VWA8: variants seen among roughly 807,000 people sequenced by gnomAD.
VWA8 encodes von Willebrand factor A domain containing 8.
In VWA8, 221 loss-of-function variants were observed where a neutral mutation model predicts 241.5. The ratio of observed to expected loss-of-function variants is 0.91; its 90% CI spans 0.82 to 1.02. The LOEUF (loss-of-function observed/expected upper bound fraction) is 1.02. Ranked by LOEUF, VWA8 falls within the 50% of genes least tolerant of loss-of-function variation. The probability of loss-of-function intolerance (pLI) is 0.00; values close to 1 mark genes in which losing one functional copy is unlikely to be tolerated. For missense variants in VWA8, 2,322 were observed against 2,328.7 expected, an observed-to-expected ratio of 1.00 and a Z score of 0.06; for synonymous variants, 852 against 827.1, an observed-to-expected ratio of 1.03 and a Z score of -0.52.
chr13:41,735,369 A>G (rs2045516740), intron 21 of VWA8, among the ~76,000 whole-genome samples: 1 of 152,200 alleles, frequency 6.6e-6, no homozygotes, highest in Non-Finnish European at 1.5e-5. Context: ...TTGCTCTGTA[A>G]CACTCGAATT....
At chr13:41,924,326 T>C (rs1418237413) in intron 2 of VWA8, among the ~76,000 whole-genome samples, 1 of 147,916 alleles carries the variant, frequency 6.8e-6, no homozygotes, top group African/African-American at 2.5e-5. Flanking sequence ...ATATCTGAAC[T>C]TGAAGATAGC....
chr13:41,862,147 C>T (rs1316149281), intron 12 of VWA8, among the ~76,000 whole-genome samples: 1 of 152,102 alleles, frequency 6.6e-6, no homozygotes. Flanking sequence ...AAGCCACATA[C>T]CTACAACCAC....
intron 40 of VWA8, among the ~76,000 whole-genome samples, chr13:41,592,081 G>A (rs1373514064): frequency 6.6e-6 from 1 of 151,282 alleles, no homozygotes; most frequent in Non-Finnish European, 1.5e-5. Context: ...GTCCAGCAAC[G>A]ATAGACTGGA....
intron 2 of VWA8, among the ~76,000 whole-genome samples, chr13:41,943,012 G>A (rs1448944693): frequency 6.6e-6 from 1 of 152,206 alleles, no homozygotes; most frequent in Non-Finnish European, 1.5e-5. Flanking sequence ...CAGCTATACA[G>A]CAAAGAGATT....
intron 28 of VWA8, 67 bp from the exon 29 acceptor site, chr13:41,699,337 G>A (rs1394583303): frequency 1.4e-6 from 2 of 1,467,298 alleles, no homozygotes; most frequent in Non-Finnish European, 1.9e-6. Context: ...AAGAGGTCTA[G>A]TGAAAACTGA....
rs958798901 is a variant in VWA8, at chr13:41,567,191, G to GTGGGAATAAGGTACAT, written c.*990_*1005dup. On this transcript the variant is annotated 3_prime_UTR_variant, in exon 45 of 45. Transcript: ENST00000379310. Reference sequence around the variant, plus strand: ...AAAATAAAGGTCAGCCCAAGAGTGTGTGGGAATAAGGTACATTTTGAAAGA... The same window carrying GTGGGAATAAGGTACAT: ...AAAATAAAGGTCAGCCCAAGAGTGTGTGGGAATAAGGTACATTGGGAATAAGGTACATTTTGAAAGA... 6.6e-6 allele frequency: 1 copy of GTGGGAATAAGGTACAT among 152,150 alleles called. No homozygotes were observed. Among genetic ancestry groups the GTGGGAATAAGGTACAT allele is most frequent in the Non-Finnish European group, 1.5e-5 (1 of 68,024 alleles). 9.4% of individuals were successfully genotyped at this position (152,150 alleles called of 1,614,324 possible).
At chr13:41,769,703 C>T (rs982452375) in intron 20 of VWA8, among the ~76,000 whole-genome samples, 1 of 152,038 alleles carries the variant, frequency 6.6e-6, no homozygotes, top group African/African-American at 2.4e-5. Flanking sequence ...CATTAACTAG[C>T]TATGTAATTT....
At chr13:41,580,308 G>A (rs1041908843) in intron 42 of VWA8, among the ~76,000 whole-genome samples, 2 of 152,130 alleles carry the variant, frequency 1.3e-5, no homozygotes, top group African/African-American at 4.8e-5. Flanking sequence ...AAGTATGTAC[G>A]ACCTCCTTTG....
intron 21 of VWA8, among the ~76,000 whole-genome samples, chr13:41,759,208 A>G (rs561929141): frequency 6.6e-6 from 1 of 151,756 alleles, no homozygotes; most frequent in South Asian, 2.1e-4. Flanking sequence ...TATTTTTGCC[A>G]AATATACTAA....
rs1047821523 is a variant in VWA8, at chr13:41,657,530, C to T, written c.4611+13416G>A. ...CGGAGTCTCACTCTGTCGCCCAGGC[C>T]GGACTGCGGACTGCAGTGGCACAAT... On this transcript the variant is annotated intron_variant, in intron 37 of 44. Coordinates refer to ENST00000379310, the MANE Select transcript of VWA8 (RefSeq NM_015058.2). 8.6e-5 allele frequency among the ~76,000 whole-genome samples: 13 copies of T among 150,618 alleles called. No individual in the cohort carries two copies. The South Asian group carries it at 1.3e-3, about 15-fold the overall frequency.
intron 37 of VWA8, among the ~76,000 whole-genome samples, chr13:41,645,285 T>G (rs757161921): frequency 1.3e-5 from 2 of 152,180 alleles, no homozygotes; most frequent in African/African-American, 2.4e-5. Flanking sequence ...CATTTTTCAG[T>G]AGAGATATGC....
At chr13:41,953,465 T>C (rs1302961296) in intron 1 of VWA8, among the ~76,000 whole-genome samples, 1 of 152,220 alleles carries the variant, frequency 6.6e-6, no homozygotes, top group East Asian at 1.9e-4. Flanking sequence ...ACATGGAACA[T>C]TCACCAAAAT....
At chr13:41,874,395 G>A (rs1566490004) in intron 9 of VWA8, among the ~76,000 whole-genome samples, 2 of 152,118 alleles carry the variant, frequency 1.3e-5, no homozygotes, top group African/African-American at 4.8e-5. Flanking sequence ...AAGTCAAATT[G>A]TCTCTGTTTG....
At chr13:41,668,111 T>G (rs2044998480) in intron 37 of VWA8, among the ~76,000 whole-genome samples, 13 of 152,210 alleles carry the variant, frequency 8.5e-5, no homozygotes, top group Admixed American at 8.5e-4. Flanking sequence ...ATTTAATTAT[T>G]AATATACTGT....
At chr13:41,603,667 G>A (rs2044536004) in intron 40 of VWA8, among the ~76,000 whole-genome samples, 1 of 152,014 alleles carries the variant, frequency 6.6e-6, no homozygotes, top group Non-Finnish European at 1.5e-5. Flanking sequence ...CTACGACTCT[G>A]GCAGCCTCTT....
At chr13:41,776,825 G>T (rs911242919) in intron 20 of VWA8, among the ~76,000 whole-genome samples, 6 of 152,086 alleles carry the variant, frequency 3.9e-5, no homozygotes, top group Non-Finnish European at 7.4e-5. Context: ...TAATTTCTAA[G>T]CCTATGCACT....
chr13:41,674,087 A>G (rs1026849237), intron 36 of VWA8, among the ~76,000 whole-genome samples: 4 of 152,254 alleles, frequency 2.6e-5, no homozygotes, highest in Admixed American at 6.5e-5. Flanking sequence ...TTAAACCAAC[A>G]CATTAGGATG....
At chr13:41,863,159 C>T (rs182722133) in intron 12 of VWA8, among the ~76,000 whole-genome samples, 210 of 151,830 alleles carry the variant, frequency 1.4e-3, no homozygotes, top group African/African-American at 4.8e-3. Context: ...ATAAAGCAGG[C>T]AGAAAAACAT....
intron 2 of VWA8, among the ~76,000 whole-genome samples, chr13:41,912,706 T>C (rs1223339385): frequency 1.3e-5 from 2 of 152,172 alleles, no homozygotes; most frequent in Admixed American, 6.5e-5. Flanking sequence ...GTTAGAAAAT[T>C]TGATGTAGAC....
Sources: allele counts gnomAD v4.1 joint callset (sites outside exome capture counted in the v4.1 genomes callset), GRCh38; gene constraint gnomAD v4.1.1; transcripts MANE v1.5; gene names NCBI Gene and HGNC (gene_info 2026-07-23, HGNC 2026-07-21).